The following APH1A variants were observed in gnomAD, a reference collection of about 807,000 sequenced individuals.
APH1A encodes aph-1A gamma-secretase subunit.
Under a neutral mutation model 30.3 loss-of-function variants are expected in APH1A, and 16 were observed. The ratio of observed to expected loss-of-function variants is 0.53; its 90% CI spans 0.36 to 0.80. The LOEUF (loss-of-function observed/expected upper bound fraction) is 0.80. Among genes scored for constraint, APH1A ranks in the 30% least tolerant of loss-of-function variants. The probability of loss-of-function intolerance (pLI) is 0.01; values close to 1 mark genes in which losing one functional copy is unlikely to be tolerated. For missense variants in APH1A, 245 were observed against 337.8 expected, an observed-to-expected ratio of 0.73 and a Z score of 2.15; for synonymous variants, 144 against 140.1, an observed-to-expected ratio of 1.03 and a Z score of -0.20.
intron 1 of APH1A, 26 bp from the exon 2 acceptor site, chr1:150,268,153 C>T (rs201522669): frequency 5.0e-6 from 8 of 1,610,196 alleles, no homozygotes; most frequent in South Asian, 2.2e-5. Flanking sequence ...GGCAGTGAGA[C>T]AAGCAATAGT....
chr1:150,268,215 G>A, intron 1 of APH1A, 88 bp from the exon 2 acceptor site: 6 of 1,465,256 alleles, frequency 4.1e-6, no homozygotes, highest in Non-Finnish European at 5.5e-6. Context: ...TGCTTGAAAA[G>A]TGGAAGTTAG....
rs1276522672 is a variant in APH1A, at chr1:150,268,927, A to G, written c.-117T>C. ...GCGACCCCACGAGGGGCGCGGTGCA[A>G]TGTCACCCCCAGACCCCGGGGAAGG... On this transcript the variant is annotated 5_prime_UTR_variant, in exon 1 of 7. Transcript: ENST00000369109. The G allele has an allele frequency of 2.4e-6, 2 of 836,674 alleles. No individual in the cohort carries two copies. Among genetic ancestry groups the G allele is most frequent in the African/African-American group, 1.7e-5 (1 of 57,866 alleles). 51.8% of individuals were successfully genotyped at this position (836,674 alleles called of 1,614,324 possible).
chr1:150,268,161 A>T, intron 1 of APH1A, 34 bp from the exon 2 acceptor site: 1 of 1,602,076 alleles, frequency 6.2e-7, no homozygotes. Context: ...GACAAGCAAT[A>T]GTAGTGGGAG....
At position 150,267,417 on chromosome 1, in the gene APH1A, A is replaced by C; in HGVS notation, c.420T>G (p.Asp140Glu). 1 of 1,614,194 alleles carries C rather than the reference A, an allele frequency of 6.2e-7. No homozygotes were observed. The highest frequency in any genetic ancestry group is 8.5e-7 in the Non-Finnish European group (1 of 1,180,038). Residue 140 changes from aspartate (D) to glutamate (E), a missense_variant, in exon 4 of 7, where the codon GAT becomes GAG. Coordinates refer to ENST00000369109, the MANE Select transcript of APH1A (RefSeq NM_001077628.3). Reference protein sequence around the residue: ...GVFSVINILADALGPGVVGIH... With the variant: ...GVFSVINILAEALGPGVVGIH... ...TCCCAACCACACCTGGCCCAAGTGCATCAGCCAAAATATTGATAACAGAGA... is the reference window on the plus strand; with the variant it reads ...TCCCAACCACACCTGGCCCAAGTGCCTCAGCCAAAATATTGATAACAGAGA...
At position 150,265,950 on chromosome 1, in the gene APH1A, G is replaced by A. The variant is rs1251180087; in HGVS notation, c.*180C>T. ...AAGACCAAGATGTCCAGTCTTGAGG[G>A]AGTACTGAGAAACTCAGAGCTCATC... On this transcript the variant is annotated 3_prime_UTR_variant, in exon 7 of 7. Coordinates refer to ENST00000369109, the MANE Select transcript of APH1A (RefSeq NM_001077628.3). The A allele has an allele frequency of 8.4e-6, 6 of 713,020 alleles. No individual in the cohort carries two copies. The highest frequency in any genetic ancestry group is 1.8e-5 in the African/African-American group (1 of 55,646). The allele number at this position is 713,020 out of a possible 1,614,324, so 44.2% of individuals were successfully genotyped here.
chr1:150,267,780 A>T lies in APH1A; in HGVS notation c.294T>A (p.Asp98Glu), dbSNP rs996158631. ...FAYYKLLKKA[D>E]EGLASLSEDG... ...CCTCACTCAGCGATGCTAACCCCTC[A>T]TCTGCCTTCCTGGGGTGGGGTGGGG... The change falls in exon 3 of 7, where the codon GAT becomes GAA. Residue 98 changes from aspartate to glutamate, a missense_variant. Coordinates refer to ENST00000369109, the MANE Select transcript of APH1A (RefSeq NM_001077628.3). 2.2e-5 allele frequency: 36 copies of T among 1,606,662 alleles called. No individual in the cohort carries two copies. The highest frequency in any genetic ancestry group is 2.9e-5 in the Non-Finnish European group (34 of 1,177,394).
Position 150,268,911 on chromosome 1 carries a change from C to G in APH1A, c.-101G>C. On this transcript the variant is annotated 5_prime_UTR_variant, in exon 1 of 7. Transcript: ENST00000369109. ...CGCGTGGGGTGGCAACGCGACCCCACGAGGGGCGCGGTGCAATGTCACCCC... is the reference window on the plus strand; with the variant it reads ...CGCGTGGGGTGGCAACGCGACCCCAGGAGGGGCGCGGTGCAATGTCACCCC... The G allele has an allele frequency of 2.0e-6, 2 of 1,016,592 alleles. No homozygotes were observed. The highest frequency in any genetic ancestry group is 2.9e-6 in the Non-Finnish European group (2 of 682,764). 63.0% of individuals were successfully genotyped at this position (1,016,592 alleles called of 1,614,324 possible).
rs1553850480 is a variant in APH1A, at chr1:150,268,730, C to T, written c.81G>A (p.Gly27=). The T allele has an allele frequency of 1.2e-6, 2 of 1,613,566 alleles. No homozygotes were observed. Among genetic ancestry groups the T allele is most frequent in the East Asian group, 2.2e-5 (1 of 44,886 alleles). Residue 27 remains glycine (G), a synonymous_variant, in exon 1 of 7, where the codon GGG becomes GGA. Coordinates refer to ENST00000369109, the MANE Select transcript of APH1A (RefSeq NM_001077628.3). The part of the protein sequence containing the change: ...AFALFLITVA[G]DPLRVIILVA... The stretch of plus-strand genomic sequence containing the variant: ...CCAGGATGATAACGCGAAGCGGGTC[C>T]CCAGCCACAGTGATCAAGAAAAGCG...
intron 6 of APH1A, 83 bp from the exon 7 acceptor site, chr1:150,266,277 G>A: frequency 6.5e-7 from 1 of 1,527,618 alleles, no homozygotes; most frequent in African/African-American, 1.4e-5. Context: ...CAACAAGGGG[G>A]TCCCCAGGTG....
In APH1A at chr1:150,266,019, A is replaced by G; in HGVS notation, c.*111T>C. 1 of 1,319,368 alleles carries G rather than the reference A, an allele frequency of 7.6e-7. No individual in the cohort carries two copies. Among genetic ancestry groups the G allele is most frequent in the Non-Finnish European group, 1.0e-6 (1 of 970,228 alleles). 81.7% of individuals were successfully genotyped at this position (1,319,368 alleles called of 1,614,324 possible). On this transcript the variant is annotated 3_prime_UTR_variant, in exon 7 of 7. Coordinates refer to ENST00000369109, the MANE Select transcript of APH1A (RefSeq NM_001077628.3). The stretch of plus-strand genomic sequence containing the variant: ...AATTTCATCTCCAGGGCAATGGCTA[A>G]ACTAGGTCCCTTTTCTTGGCAACCT...
chr1:150,266,034 C>A lies in APH1A; in HGVS notation c.*96G>T. ...GCAATGGCTAAACTAGGTCCCTTTT[C>A]TTGGCAACCTGCACTGTCCAGAACT... On this transcript the variant is annotated 3_prime_UTR_variant, in exon 7 of 7. Coordinates refer to ENST00000369109, the MANE Select transcript of APH1A (RefSeq NM_001077628.3). 2 of 1,433,792 alleles carry A rather than the reference C, an allele frequency of 1.4e-6. No individual in the cohort carries two copies. Among genetic ancestry groups the A allele is most frequent in the Non-Finnish European group, 1.9e-6 (2 of 1,070,350 alleles). 88.8% of individuals were successfully genotyped at this position (1,433,792 alleles called of 1,614,324 possible). A position where few individuals can be genotyped will look rare whatever the true frequency, so the allele number is the denominator to read the frequency against.
In APH1A at chr1:150,265,797, GA is replaced by G. The variant is rs1188518121; in HGVS notation, c.*332del. 6 of 252,420 alleles carry G rather than the reference GA, an allele frequency of 2.4e-5. No homozygotes were observed. The East Asian group carries it at 3.9e-4, about 16-fold the overall frequency. The allele number at this position is 252,420 out of a possible 1,614,324, so 15.6% of individuals were successfully genotyped here. A position where few individuals can be genotyped will look rare whatever the true frequency, so the allele number is the denominator to read the frequency against. On this transcript the variant is annotated 3_prime_UTR_variant, in exon 7 of 7. Coordinates refer to ENST00000369109, the MANE Select transcript of APH1A (RefSeq NM_001077628.3). ...AGCCATGAGGAGCAACTCGAGGAGA[GA>G]AAATATAGCCCAAGGAGGTTAGAAG...
At chr1:150,266,973 A>G in intron 5 of APH1A, 102 bp downstream of exon 5, 8 of 1,538,608 alleles carry the variant, frequency 5.2e-6, no homozygotes, top group Non-Finnish European at 7.0e-6. Context: ...TCCTCCTCCC[A>G]GGTAAGTTAA....
chr1:150,266,265 C>G, intron 6 of APH1A, 71 bp from the exon 7 acceptor site: 1 of 1,546,882 alleles, frequency 6.5e-7, no homozygotes, highest in African/African-American at 1.4e-5. Flanking sequence ...GAGTCCTGGA[C>G]ACAACAAGGG....
rs199893609 is a variant in APH1A, at chr1:150,267,345, G to A, written c.481+11C>T. 1,719 of 1,614,102 alleles carry A rather than the reference G, an allele frequency of 1.1e-3. 45 individuals carry two copies. In the South Asian group the frequency reaches 0.018, roughly 17 times the overall value. On this transcript the variant is annotated intron_variant, in intron 4 of 6. Coordinates refer to ENST00000369109, the MANE Select transcript of APH1A (RefSeq NM_001077628.3). ...ATGGGGGGTAAAGGCTAGATAGAAG[G>A]TGGATCTTACCTGAAGTCAGGAAGT...
chr1:150,268,083 C>G lies in APH1A; in HGVS notation c.158G>C (p.Trp53Ser). 6.2e-7 allele frequency: 1 copy of G among 1,614,136 alleles called. No individual in the cohort carries two copies. ...LVSLLLASVVWFILVHVTDRS... is the reference protein window; with the variant it reads ...LVSLLLASVVSFILVHVTDRS... ...GTCGGTCACATGGACCAAGATGAAC[C>G]AGACCACAGAGGCCAGGAGCAGGGA... The change falls in exon 2 of 7, where the codon TGG becomes TCG. Residue 53 changes from tryptophan to serine, a missense_variant. Trp to Ser is a radical substitution (Grantham distance 177, BLOSUM62 -3). Coordinates refer to ENST00000369109, the MANE Select transcript of APH1A (RefSeq NM_001077628.3).
intron 5 of APH1A, 72 bp downstream of exon 5, chr1:150,267,003 T>C: frequency 2.5e-6 from 4 of 1,593,248 alleles, no homozygotes; most frequent in South Asian, 1.1e-5. Flanking sequence ...GAAGTGAGGA[T>C]ACCCTTTCCC....
intron 1 of APH1A, 39 bp from the exon 2 acceptor site, chr1:150,268,166 T>C (rs1351555648): frequency 1.9e-6 from 3 of 1,598,364 alleles, no homozygotes; most frequent in Admixed American, 3.5e-5. Flanking sequence ...GCAATAGTAG[T>C]GGGAGCCAGA....
rs1321126033 is a variant in APH1A at position 150,267,245 on chromosome 1, T to C, written c.482-43A>G. The C allele has an allele frequency of 2.5e-6, 4 of 1,613,386 alleles. No homozygotes were observed. In the Admixed American group the frequency reaches 6.7e-5, roughly 27 times the overall value. ...GGGAGGAGATACATCCCTGATCTTC[T>C]CCCAGGCTCCTGAGATGTTGAGCCA... On this transcript the variant is annotated intron_variant, in intron 4 of 6. Transcript: ENST00000369109.
Sources: allele counts gnomAD v4.1 joint callset, GRCh38; gene constraint gnomAD v4.1.1; transcripts MANE v1.5; gene names NCBI Gene and HGNC (gene_info 2026-07-23, HGNC 2026-07-21).